CSMD1: variants seen among roughly 807,000 people sequenced by gnomAD.
CSMD1 encodes CUB and sushi domain-containing protein 1.
In CSMD1, 213 loss-of-function variants were observed where a neutral mutation model predicts 417.5. The ratio of observed to expected loss-of-function variants is 0.51; its 90% CI spans 0.46 to 0.57. The LOEUF (loss-of-function observed/expected upper bound fraction) is 0.57, where lower values mean the gene tolerates loss of function less well. Among genes scored for constraint, CSMD1 ranks in the 20% least tolerant of loss-of-function variants. CSMD1 has a pLI of 0.00. For missense variants in CSMD1, 6,923 were observed against 4,529.7 expected (o/e 1.53, Z -15.17); for synonymous variants, 2,862 against 1,736.8 (o/e 1.65, Z -16.11).
At chr8:3,412,667 A>T (rs1165300281) in intron 12 of CSMD1, among the ~76,000 whole-genome samples, 1 of 152,232 alleles carries the variant, frequency 6.6e-6, no homozygotes, top group Non-Finnish European at 1.5e-5. Flanking sequence ...CCAAACAAAG[A>T]TGATCCTTAC....
chr8:4,965,126 C>A (rs1027556716), intron 1 of CSMD1, among the ~76,000 whole-genome samples: 4 of 152,112 alleles, frequency 2.6e-5, no homozygotes, highest in African/African-American at 9.7e-5. Context: ...CACATCTGTT[C>A]TGAAGATACA....
intron 10 of CSMD1, among the ~76,000 whole-genome samples, chr8:3,518,195 C>G (rs543578545): frequency 6.6e-6 from 1 of 152,154 alleles, no homozygotes; most frequent in South Asian, 2.1e-4. Flanking sequence ...GAACTATGGA[C>G]CAATGATTAC....
chr8:4,178,382 C>G (rs4875298), intron 3 of CSMD1, among the ~76,000 whole-genome samples: 119,628 of 146,126 alleles, frequency 0.82, 49,153 homozygotes, highest in African/African-American at 0.89. Flanking sequence ...ATTCAACAAC[C>G]CTTCATGCTA....
At chr8:3,761,250 T>C (rs561100057) in intron 5 of CSMD1, among the ~76,000 whole-genome samples, 2 of 152,284 alleles carry the variant, frequency 1.3e-5, no homozygotes, top group South Asian at 4.1e-4. Context: ...TCTATGTGTG[T>C]GTGTATACAC....
At chr8:4,785,677 A>T (rs1463348573) in intron 1 of CSMD1, among the ~76,000 whole-genome samples, 1 of 152,172 alleles carries the variant, frequency 6.6e-6, no homozygotes, top group African/African-American at 2.4e-5. Flanking sequence ...ACAAACTGAC[A>T]AAATGAAGAA....
At chr8:3,875,277 A>T in intron 5 of CSMD1, among the ~76,000 whole-genome samples, 1 of 152,264 alleles carries the variant, frequency 6.6e-6, no homozygotes, top group Non-Finnish European at 1.5e-5. Context: ...ATAAAAGGCA[A>T]TATTTACACT....
In CSMD1 at chr8:3,326,854, G is replaced by T. The variant is rs1806563582; in HGVS notation, c.3631+16440C>A. Reference sequence around the variant, plus strand: ...AATGCCTTTTCAGGATTCTTACAAGGTGTAAGTTTATAAAAATGTATGGCT... The same window carrying T: ...AATGCCTTTTCAGGATTCTTACAAGTTGTAAGTTTATAAAAATGTATGGCT... On this transcript the variant is annotated intron_variant, in intron 23 of 69. Coordinates refer to ENST00000635120, the MANE Select transcript of CSMD1 (RefSeq NM_033225.6). Among the ~76,000 whole-genome samples, 6 of 152,100 alleles carry T rather than the reference G, an allele frequency of 3.9e-5. No individual in the cohort carries two copies. The South Asian group carries it at 1.2e-3, about 32-fold the overall frequency.
At chr8:3,092,970 T>G (rs1020907214) in intron 47 of CSMD1, among the ~76,000 whole-genome samples, 2 of 152,178 alleles carry the variant, frequency 1.3e-5, no homozygotes, top group African/African-American at 4.8e-5. Context: ...ACCTAAAATT[T>G]TATTTGTGCA....
At chr8:3,631,084 C>A (rs1214280324) in intron 7 of CSMD1, among the ~76,000 whole-genome samples, 1 of 152,200 alleles carries the variant, frequency 6.6e-6, no homozygotes, top group Non-Finnish European at 1.5e-5. Context: ...TCAGCCAGGT[C>A]TTCCTGTCAC....
In CSMD1 at chr8:3,406,192, C is replaced by G; in HGVS notation, c.2101G>C (p.Gly701Arg). 6.2e-7 allele frequency: 1 copy of G among 1,610,374 alleles called. No individual in the cohort carries two copies. The highest frequency in any genetic ancestry group is 8.5e-7 in the Non-Finnish European group (1 of 1,178,110). ...TFGQNECHDP[G>R]IPINGRRFGD... ...AAACGTCGTCCGTTTATAGGAATGC[C>G]AGGATCATGGCACTCATTCTGACCA... The change falls in exon 15 of 70, where the codon GGC becomes CGC. Residue 701 changes from glycine to arginine, a missense_variant. By Grantham distance (125) the Gly-to-Arg change is moderately radical. Coordinates refer to ENST00000635120, the MANE Select transcript of CSMD1 (RefSeq NM_033225.6).
intron 1 of CSMD1, among the ~76,000 whole-genome samples, chr8:4,983,525 C>T (rs1187915388): frequency 1.3e-5 from 2 of 152,020 alleles, no homozygotes; most frequent in Admixed American, 1.3e-4. Flanking sequence ...GCAAGAATAA[C>T]ACTTTTTGTT....
At chr8:3,492,419 G>A (rs909839033) in intron 11 of CSMD1, among the ~76,000 whole-genome samples, 2 of 152,120 alleles carry the variant, frequency 1.3e-5, no homozygotes, top group African/African-American at 2.4e-5. Flanking sequence ...TATATAAGTA[G>A]ACAAAGAAAG....
chr8:3,490,942 G>T (rs1196908573), intron 11 of CSMD1, among the ~76,000 whole-genome samples: 1 of 152,074 alleles, frequency 6.6e-6, no homozygotes, highest in Admixed American at 6.6e-5. Context: ...AGAAAAATAG[G>T]ATCCTTCATG....
chr8:3,522,732 T>C (rs574351123), intron 10 of CSMD1, among the ~76,000 whole-genome samples: 10 of 152,142 alleles, frequency 6.6e-5, no homozygotes, highest in East Asian at 1.9e-4. Context: ...CACCTTAATA[T>C]GTGGCATTCG....
chr8:3,552,939 A>G (rs1329903689), intron 10 of CSMD1, among the ~76,000 whole-genome samples: 1 of 152,184 alleles, frequency 6.6e-6, no homozygotes, highest in East Asian at 1.9e-4. Context: ...ATAATTTTTG[A>G]TAAAACACAG....
At chr8:3,792,089 G>C (rs566749730) in intron 5 of CSMD1, among the ~76,000 whole-genome samples, 3 of 152,228 alleles carry the variant, frequency 2.0e-5, no homozygotes, top group East Asian at 3.9e-4. Flanking sequence ...CTTCAAGAAT[G>C]ACTTCCTGAG....
intron 1 of CSMD1, among the ~76,000 whole-genome samples, chr8:4,671,963 T>A (rs1368343991): frequency 1.3e-5 from 2 of 152,146 alleles, no homozygotes; most frequent in South Asian, 2.1e-4. Flanking sequence ...CTCGCCGAGG[T>A]AGGCAGTGTT....
chr8:3,155,286 T>C (rs1819445284), intron 39 of CSMD1, among the ~76,000 whole-genome samples: 1 of 151,514 alleles, frequency 6.6e-6, no homozygotes, highest in African/African-American at 2.4e-5. Flanking sequence ...TGATGTTCTG[T>C]ATGAATCAAA....
At chr8:4,841,015 G>A (rs1434429152) in intron 1 of CSMD1, among the ~76,000 whole-genome samples, 1 of 152,184 alleles carries the variant, frequency 6.6e-6, no homozygotes, top group Non-Finnish European at 1.5e-5. Context: ...TTTGCCGTCA[G>A]CCCCCTGGCT....
Sources: gnomAD v4.1 joint callset for allele counts (sites outside exome capture counted in the v4.1 genomes callset) on GRCh38, gnomAD v4.1.1 for gene constraint, MANE v1.5 for transcripts, NCBI Gene and HGNC (gene_info 2026-07-23, HGNC 2026-07-21) for gene names.